Variants in HHAT observed in about 807,000 individuals in gnomAD.
HHAT encodes the protein hedgehog acyltransferase, also known as protein-cysteine N-palmitoyltransferase HHAT.
A neutral mutation model predicts 70.8 loss-of-function variants in HHAT; 47 were observed. That is an observed-to-expected ratio of 0.66 (90% CI 0.53 to 0.85). The LOEUF (loss-of-function observed/expected upper bound fraction) is 0.85, where lower values mean the gene tolerates loss of function less well. Ranked by LOEUF, HHAT falls within the 40% of genes least tolerant of loss-of-function variation. HHAT has a pLI of 0.00. For synonymous variants in HHAT, 228 were observed against 247.6 expected, an observed-to-expected ratio of 0.92 and a Z score of 0.74; for missense variants, 609 against 604.8, an observed-to-expected ratio of 1.01 and a Z score of -0.07.
At chr1:210,384,502 C>G (rs2090896664) in intron 3 of HHAT, among the ~76,000 whole-genome samples, 1 of 152,024 alleles carries the variant, frequency 6.6e-6, no homozygotes, top group African/African-American at 2.4e-5. Flanking sequence ...AATCCCAGGC[C>G]CCACCCTTGA....
chr1:210,663,711 C>T (rs2148966282), intron 11 of HHAT, among the ~76,000 whole-genome samples: 1 of 152,322 alleles, frequency 6.6e-6, no homozygotes, highest in South Asian at 2.1e-4. Flanking sequence ...GGTTCTCAGA[C>T]CAGCAGCATC....
chr1:210,480,210 G>C (rs1179957512), intron 8 of HHAT, among the ~76,000 whole-genome samples: 2 of 152,110 alleles, frequency 1.3e-5, no homozygotes, highest in Admixed American at 1.3e-4. Context: ...TGACACCAAC[G>C]TCCAAAGTGT....
At chr1:210,371,505 T>C (rs1243644099) in intron 3 of HHAT, among the ~76,000 whole-genome samples, 1 of 152,176 alleles carries the variant, frequency 6.6e-6, no homozygotes, top group Non-Finnish European at 1.5e-5. Context: ...CCACATTCTT[T>C]GGAGGGGCTG....
intron 10 of HHAT, among the ~76,000 whole-genome samples, chr1:210,599,098 A>G (rs4369231): frequency 0.98 from 148,570 of 152,320 alleles, 72,560 homozygotes; most frequent in East Asian, 1. Flanking sequence ...TAGAACTCCT[A>G]TGGTGACAGA....
chr1:210,636,298 TC>T (rs1221532231), intron 11 of HHAT, among the ~76,000 whole-genome samples: 4 of 152,184 alleles, frequency 2.6e-5, no homozygotes, highest in African/African-American at 9.7e-5. Context: ...GGGATTCACT[TC>T]CCTCCCCTTC....
At chr1:210,459,336 G>GT (rs2093932958) in intron 7 of HHAT, among the ~76,000 whole-genome samples, 1 of 152,168 alleles carries the variant, frequency 6.6e-6, no homozygotes, top group Non-Finnish European at 1.5e-5. Context: ...TCCTACTGCG[G>GT]TATAAGGTGA....
intron 8 of HHAT, among the ~76,000 whole-genome samples, chr1:210,488,426 C>T (rs1172924555): frequency 6.6e-6 from 1 of 152,182 alleles, no homozygotes; most frequent in Non-Finnish European, 1.5e-5. Context: ...TTATTATACA[C>T]ATAATGGGGG....
intron 8 of HHAT, among the ~76,000 whole-genome samples, chr1:210,493,125 A>C (rs1271899862): frequency 6.6e-6 from 1 of 152,050 alleles, no homozygotes; most frequent in African/African-American, 2.4e-5. Context: ...CACAGTGCTA[A>C]GTTTGCAACT....
intron 3 of HHAT, among the ~76,000 whole-genome samples, chr1:210,375,780 C>T (rs1299944289): frequency 6.6e-6 from 1 of 150,846 alleles, no homozygotes; most frequent in East Asian, 1.9e-4. Context: ...TCAAGGGTCT[C>T]TGAGGCTGTA....
At chr1:210,426,375 A>C (rs1353976728) in intron 7 of HHAT, among the ~76,000 whole-genome samples, 3 of 152,172 alleles carry the variant, frequency 2.0e-5, no homozygotes. Context: ...TTCCAATACT[A>C]TGTTGAATAG....
At chr1:210,666,612 T>C (rs1574108626) in intron 11 of HHAT, among the ~76,000 whole-genome samples, 1 of 152,220 alleles carries the variant, frequency 6.6e-6, no homozygotes, top group Non-Finnish European at 1.5e-5. Flanking sequence ...GCCTCCTGAG[T>C]AGCTATGATC....
intron 7 of HHAT, among the ~76,000 whole-genome samples, chr1:210,441,838 A>G (rs1276760227): frequency 2.0e-5 from 3 of 151,490 alleles, no homozygotes; most frequent in Non-Finnish European, 4.4e-5. Flanking sequence ...ACACACATAT[A>G]TACACACACA....
At chr1:210,422,182 G>A (rs899738826) in intron 7 of HHAT, among the ~76,000 whole-genome samples, 5 of 152,136 alleles carry the variant, frequency 3.3e-5, no homozygotes, top group African/African-American at 7.2e-5. Context: ...CATGGGGTGC[G>A]TAGTGATGTT....
At chr1:210,328,881 G>C (rs759603783), upstream of HHAT, 344 of 569,654 alleles carry the variant, frequency 6.0e-4, 1 homozygote, top group Non-Finnish European at 8.1e-4. Context: ...GGGTTCCCGA[G>C]TCCGGGCGCG....
chr1:210,533,875 G>A (rs1258663212), intron 9 of HHAT, among the ~76,000 whole-genome samples: 2 of 150,320 alleles, frequency 1.3e-5, no homozygotes, highest in East Asian at 4.3e-4. Flanking sequence ...AATCAATCCT[G>A]ACTCCAAGAA....
chr1:210,359,435 C>T (rs1243632326), intron 2 of HHAT, among the ~76,000 whole-genome samples: 1 of 152,134 alleles, frequency 6.6e-6, no homozygotes, highest in Non-Finnish European at 1.5e-5. Context: ...AAGCTTGGTG[C>T]TTGAGATATT....
intron 5 of HHAT, among the ~76,000 whole-genome samples, chr1:210,401,806 A>G (rs1027966659): frequency 2.6e-5 from 4 of 152,154 alleles, no homozygotes; most frequent in African/African-American, 4.8e-5. Context: ...GATTGCACCT[A>G]TCAGCAAATT....
chr1:210,505,776 G>C (rs1328744037), intron 8 of HHAT, among the ~76,000 whole-genome samples: 2 of 152,206 alleles, frequency 1.3e-5, no homozygotes, highest in Non-Finnish European at 2.9e-5. Context: ...AGGATTGACA[G>C]CTAAATTTTG....
intron 9 of HHAT, among the ~76,000 whole-genome samples, chr1:210,513,815 A>G (rs1449993459): frequency 6.6e-6 from 1 of 152,214 alleles, no homozygotes; most frequent in Non-Finnish European, 1.5e-5. Context: ...TTGAGCATGT[A>G]TTACTCTAAT....
Sources: allele counts gnomAD v4.1 joint callset (sites outside exome capture counted in the v4.1 genomes callset), GRCh38; gene constraint gnomAD v4.1.1; transcripts MANE v1.5; gene names NCBI Gene and HGNC (gene_info 2026-07-23, HGNC 2026-07-21).